SLC4A5: variants seen among roughly 807,000 people sequenced by gnomAD.
SLC4A5 encodes electrogenic sodium bicarbonate cotransporter 4.
SLC4A5 carries 96 observed loss-of-function variants against 120.4 expected under a neutral mutation model. The ratio of observed to expected loss-of-function variants is 0.80; its 90% CI spans 0.68 to 0.94. The LOEUF (loss-of-function observed/expected upper bound fraction) is 0.94, where lower values mean the gene tolerates loss of function less well. Ranked by LOEUF, SLC4A5 falls within the 40% of genes least tolerant of loss-of-function variation. The pLI, the probability that SLC4A5 is intolerant of heterozygous loss-of-function variation, is 0.00. For missense variants in SLC4A5, 1,259 were observed against 1,459.5 expected (o/e 0.86, Z 2.24); for synonymous variants, 550 against 571.1 (o/e 0.96, Z 0.53).
chr2:74,221,651 C>T (rs1028677031), intron 29 of SLC4A5, 150 bp from the exon 30 acceptor site: 6 of 770,674 alleles, frequency 7.8e-6, no homozygotes, highest in Admixed American at 4.6e-5. Flanking sequence ...TGTGTGGCTT[C>T]GGGCTTAGTT....
intron 1 of SLC4A5, among the ~76,000 whole-genome samples, chr2:74,343,154 T>C (rs185562700): frequency 5.9e-5 from 9 of 152,348 alleles, no homozygotes; most frequent in East Asian, 1.9e-4. Flanking sequence ...GGAATACTTA[T>C]AGATTAGTTT....
At chr2:74,273,552 T>C (rs867139977) in intron 8 of SLC4A5, among the ~76,000 whole-genome samples, 47 of 152,354 alleles carry the variant, frequency 3.1e-4, no homozygotes, top group African/African-American at 1.1e-3. Flanking sequence ...TTGACTTCTG[T>C]GTATTAGTTA....
At chr2:74,290,548 GTTT>G (rs1672126575) in intron 7 of SLC4A5, 1 of 984,682 alleles carries the variant, frequency 1.0e-6, no homozygotes, top group Non-Finnish European at 1.2e-6. Flanking sequence ...ATGCAAAAGT[GTTT>G]GAGAGAGAAA....
At chr2:74,232,363 C>T (rs908471151) in intron 24 of SLC4A5, 106 bp downstream of exon 24, 68 of 1,331,574 alleles carry the variant, frequency 5.1e-5, no homozygotes, top group African/African-American at 3.8e-4. Flanking sequence ...GCCGTCAGAG[C>T]GGGGGCCCTT....
At chr2:74,297,668 C>T (rs1305132992) in intron 7 of SLC4A5, among the ~76,000 whole-genome samples, 1 of 152,148 alleles carries the variant, frequency 6.6e-6, no homozygotes, top group Non-Finnish European at 1.5e-5. Context: ...TTTTTTCCCC[C>T]CAGGGTAGAA....
chr2:74,244,668 A>C (rs1415404910), intron 19 of SLC4A5, among the ~76,000 whole-genome samples: 1 of 151,950 alleles, frequency 6.6e-6, no homozygotes, highest in Non-Finnish European at 1.5e-5. Flanking sequence ...GCTGGTCTCA[A>C]ACTCCTGGGC....
At chr2:74,262,084 C>CAGCTGCCACAGCCTGAATAA (rs1671154280) in intron 11 of SLC4A5, 53 bp downstream of exon 11, 3 of 1,539,630 alleles carry the variant, frequency 1.9e-6, no homozygotes, top group Admixed American at 3.4e-5. Flanking sequence ...GGCCATGTCA[C>CAGCTGCCACAGCCTGAATAA]AGCTGCCACA....
Position 74,255,785 on chromosome 2 carries a change from C to T in SLC4A5, c.1015G>A (p.Val339Ile). 1 of 1,614,134 alleles carries T rather than the reference C, an allele frequency of 6.2e-7. No homozygotes were observed. The highest frequency in any genetic ancestry group is 8.5e-7 in the Non-Finnish European group (1 of 1,180,024). The change falls in exon 13 of 31, where the codon GTC becomes ATC. Residue 339 changes from valine to isoleucine, a missense_variant. Transcript: ENST00000394019. The surrounding 1 kb of genome is among the most constrained non-coding windows in gnomAD (Gnocchi z 4.0). ...TTCAATGGCTCTCACCTGGTGGGGA[C>T]AGGCACCTCGGTCACTCCTCCCAGC... is the stretch of plus-strand genomic sequence containing the variant.
chr2:74,307,677 AT>A, intron 6 of SLC4A5: 1 of 981,570 alleles, frequency 1.0e-6, no homozygotes, highest in Non-Finnish European at 1.6e-6. Flanking sequence ...GTGCTCCCGG[AT>A]TTTGCTCTCC....
intron 8 of SLC4A5, among the ~76,000 whole-genome samples, chr2:74,275,629 GGTTGAGGAGACCTCTCTTTCCTC>G (rs1364660745): frequency 6.6e-6 from 1 of 152,188 alleles, no homozygotes. Flanking sequence ...CAAGGGCCAA[GGTTGAGGAGACCTCTCTTTCCTC>G]TAACTCGCAT....
chr2:74,235,091 A>C lies in SLC4A5; in HGVS notation c.2433+10T>G. 1 of 1,608,106 alleles carries C rather than the reference A, an allele frequency of 6.2e-7. No homozygotes were observed. Among genetic ancestry groups the C allele is most frequent in the Non-Finnish European group, 8.5e-7 (1 of 1,174,752 alleles). ...AGACTGGATGCCCAGAGCGAGGGAA[A>C]GGGGCAAACCTTGATGACACTGGGC... On this transcript the variant is annotated intron_variant, in intron 22 of 30. Coordinates refer to ENST00000394019, the Ensembl canonical transcript of SLC4A5.
intron 11 of SLC4A5, among the ~76,000 whole-genome samples, 188 bp downstream of exon 11, chr2:74,261,949 A>G (rs777631138): frequency 7.9e-5 from 12 of 152,204 alleles, no homozygotes; most frequent in Non-Finnish European, 1.5e-4. Flanking sequence ...TGACTTGAAT[A>G]TTATGGTAGT....
At chr2:74,282,665 G>A (rs1671850337) in intron 8 of SLC4A5, among the ~76,000 whole-genome samples, 1 of 152,250 alleles carries the variant, frequency 6.6e-6, no homozygotes, top group South Asian at 2.1e-4. Flanking sequence ...AGAGAATAGA[G>A]ACAGTGTGGT....
At chr2:74,314,797 G>A (rs1402714052) in intron 6 of SLC4A5, 148 bp downstream of exon 6, 1 of 702,366 alleles carries the variant, frequency 1.4e-6, no homozygotes, top group Non-Finnish European at 2.5e-6. Context: ...ATGAAGGCTG[G>A]TCCCACCAGC....
At chr2:74,308,630 T>C (rs1164897839) in intron 6 of SLC4A5, among the ~76,000 whole-genome samples, 1 of 152,220 alleles carries the variant, frequency 6.6e-6, no homozygotes, top group Non-Finnish European at 1.5e-5. Flanking sequence ...TTTTATCAGA[T>C]ACATGCCTTT....
At chr2:74,300,784 C>T (rs1034641707) in intron 7 of SLC4A5, among the ~76,000 whole-genome samples, 1 of 152,196 alleles carries the variant, frequency 6.6e-6, no homozygotes, top group Admixed American at 6.5e-5. Context: ...CAGAGAGCAA[C>T]TTTGCAGCAA....
intron 6 of SLC4A5, among the ~76,000 whole-genome samples, chr2:74,305,616 A>G (rs10193532): frequency 0.038 from 5,836 of 152,100 alleles, 387 homozygotes; most frequent in African/African-American, 0.13. Context: ...GCATAAGGAC[A>G]TACATCTACA....
intron 24 of SLC4A5, 113 bp downstream of exon 24, chr2:74,232,356 G>A (rs761023136): frequency 3.9e-5 from 50 of 1,266,552 alleles, no homozygotes; most frequent in Middle Eastern, 2.4e-4. Flanking sequence ...TTCTTGGGCC[G>A]TCAGAGCGGG....
rs1424620415 is a variant in SLC4A5 at position 74,303,113 on chromosome 2, T to C, written c.271+1376A>G. Among the ~76,000 whole-genome samples the C allele has an allele frequency of 3.3e-5, 5 of 151,536 alleles. No homozygotes were observed. In the East Asian group the frequency reaches 5.8e-4, roughly 18 times the overall value. On this transcript the variant is annotated intron_variant, in intron 7 of 30. Transcript: ENST00000394019. The stretch of plus-strand genomic sequence containing the variant: ...TGTATGCCTGTGCATGTGGTGTGTG[T>C]GTGCGTGTGTGTGTGTGTGTGTGTT...
Sources: gnomAD v4.1 joint callset for allele counts (sites outside exome capture counted in the v4.1 genomes callset) on GRCh38, gnomAD v4.1.1 for gene constraint, Gnocchi (gnomAD v3.1) non-coding constraint, MANE v1.5 for transcripts, NCBI Gene and HGNC (gene_info 2026-07-23, HGNC 2026-07-21) for gene names.